The following HTR2C variants were observed in gnomAD, a reference collection of about 807,000 sequenced individuals.
The protein encoded by HTR2C is 5-hydroxytryptamine (serotonin) receptor 2C, G protein-coupled.
HTR2C carries 5 observed loss-of-function variants against 21.0 expected under a neutral mutation model. That is an observed-to-expected ratio of 0.24 (90% CI 0.12 to 0.50). The LOEUF (loss-of-function observed/expected upper bound fraction) is 0.50, where lower values mean the gene tolerates loss of function less well. Among genes scored for constraint, HTR2C ranks in the 20% least tolerant of loss-of-function variants. The pLI, the probability that HTR2C is intolerant of heterozygous loss-of-function variation, is 0.98. For synonymous variants in HTR2C, 150 were observed against 145.3 expected (o/e 1.03, Z -0.23); for missense variants, 271 against 371.2 (o/e 0.73, Z 2.22).
intron 4 of HTR2C, among the ~76,000 whole-genome samples, chrX:114,761,766 T>C (rs1329367743): frequency 2.8e-5 from 3 of 108,044 alleles, no homozygotes; most frequent in Non-Finnish European, 5.8e-5. Flanking sequence ...CATTGCTTCA[T>C]GTTATATGTC....
At chrX:114,687,340 A>C (rs1389956390) in intron 2 of HTR2C, among the ~76,000 whole-genome samples, 1 of 112,370 alleles carries the variant, frequency 8.9e-6, no homozygotes, top group Non-Finnish European at 1.9e-5. Flanking sequence ...TTCGTGTTTT[A>C]CACATTTTAT....
At chrX:114,596,138 G>T (rs903243571) in intron 1 of HTR2C, among the ~76,000 whole-genome samples, 3 of 112,116 alleles carry the variant, frequency 2.7e-5, no homozygotes, top group Admixed American at 1.9e-4. Context: ...AAATACAGAA[G>T]CACTGATAAA....
chrX:114,875,856 CTTT>C (rs200514793), intron 5 of HTR2C, among the ~76,000 whole-genome samples: 1 of 105,261 alleles, frequency 9.5e-6, no homozygotes, highest in Non-Finnish European at 1.9e-5. Flanking sequence ...TTGCTTCTTA[CTTT>C]TTTTTTTCAC....
rs368661431 is a variant in HTR2C, at chrX:114,603,212, G to A, written c.-146-10603G>A. Among the ~76,000 whole-genome samples the A allele has an allele frequency of 9.0e-3, 1,011 of 111,878 alleles. 3 individuals are homozygous for A. The highest frequency in any genetic ancestry group is 0.031 in the African/African-American group (955 of 30,693). On this transcript the variant is annotated intron_variant, in intron 1 of 5. Transcript: ENST00000276198. ...GGGCCAGGAACAATGGTAATTGTGG[G>A]AGACTCAACAAAGAGTGAGTATAGC...
intron 1 of HTR2C, among the ~76,000 whole-genome samples, chrX:114,599,649 T>C (rs1422932255): frequency 2.7e-5 from 3 of 112,203 alleles, no homozygotes; most frequent in Admixed American, 9.5e-5. Flanking sequence ...AAAACATGCA[T>C]TTCATAGATT....
Position 114,613,849 on chromosome X carries a change from T to C in HTR2C, c.-112T>C, listed in dbSNP as rs200532147. On this transcript the variant is annotated 5_prime_UTR_variant, in exon 2 of 6. Transcript: ENST00000276198. ...CTAACACCCGCGAGCATCTATAACA[T>C]AGGCCAACTGACGCCATCCTTCAAA... 1 of 111,519 alleles carries C rather than the reference T, an allele frequency of 9.0e-6. No individual in the cohort carries two copies. The allele number at this position is 111,519 out of a possible 1,213,427, so 9.2% of individuals were successfully genotyped here.
At chrX:114,633,947 T>TAGAGAGAGAGAGAG (rs59914358) in intron 2 of HTR2C, among the ~76,000 whole-genome samples, 118 of 92,171 alleles carry the variant, frequency 1.3e-3, no homozygotes, top group East Asian at 5.1e-3. Flanking sequence ...TATATATATA[T>TAGAGAGAGAGAGAG]AGAGAGAGAG....
chrX:114,830,747 CAGGTTAGTTACAT>C (rs2070716602), intron 4 of HTR2C, among the ~76,000 whole-genome samples: 1 of 103,128 alleles, frequency 9.7e-6, no homozygotes, highest in Non-Finnish European at 2.0e-5. Flanking sequence ...GCACATTGTG[CAGGTTAGTTACAT>C]ATGTATACAT....
In HTR2C at chrX:114,726,914, G is replaced by A. The variant is rs782272640; in HGVS notation, c.-23G>A. The A allele has an allele frequency of 3.7e-6, 4 of 1,093,985 alleles. No homozygotes were observed. The South Asian group carries it at 6.6e-5, about 18-fold the overall frequency. 90.2% of individuals were successfully genotyped at this position (1,093,985 alleles called of 1,213,427 possible). A position where few individuals can be genotyped will look rare whatever the true frequency, so the allele number is the denominator to read the frequency against. On this transcript the variant is annotated 5_prime_UTR_variant, in exon 3 of 6. Transcript: ENST00000276198. ...TTTCGTCTTCTCAATTTTAAACTTT[G>A]GTTGCTTAAGACTGAAGCAATCATG...
At chrX:114,635,948 A>T (rs1929824463) in intron 2 of HTR2C, among the ~76,000 whole-genome samples, 1 of 111,278 alleles carries the variant, frequency 9.0e-6, no homozygotes. Context: ...CCCTAGAGTG[A>T]TAAGTGACTG....
At chrX:114,795,562 C>A (rs1328283636) in intron 4 of HTR2C, among the ~76,000 whole-genome samples, 1 of 111,507 alleles carries the variant, frequency 9.0e-6, no homozygotes, top group East Asian at 2.8e-4. Flanking sequence ...GGAAGGGATC[C>A]AGTTTCAGCT....
intron 1 of HTR2C, among the ~76,000 whole-genome samples, chrX:114,595,219 AT>A (rs1927783492): frequency 9.0e-6 from 1 of 111,027 alleles, no homozygotes; most frequent in South Asian, 3.8e-4. Context: ...TCAGAATTCC[AT>A]TCTTTTTATT....
intron 2 of HTR2C, among the ~76,000 whole-genome samples, chrX:114,694,434 A>AATATATATAT (rs782501990): frequency 5.4e-5 from 5 of 91,938 alleles, no homozygotes; most frequent in Non-Finnish European, 1.1e-4. Context: ...TCCTCAACTA[A>AATATATATAT]ATATATATAT....
chrX:114,813,998 C>G (rs1317282680), intron 4 of HTR2C, among the ~76,000 whole-genome samples: 1 of 110,980 alleles, frequency 9.0e-6, no homozygotes, highest in African/African-American at 3.3e-5. Context: ...GTAATTAACT[C>G]TGTGTGTGGA....
rs201716430 is a variant in HTR2C, at chrX:114,726,870, G to A, written c.-67G>A. 2.9e-5 allele frequency: 19 copies of A among 663,648 alleles called. No individual in the cohort carries two copies. The African/African-American group carries it at 3.5e-4, about 12-fold the overall frequency. 54.7% of individuals were successfully genotyped at this position (663,648 alleles called of 1,213,427 possible). A position where few individuals can be genotyped will look rare whatever the true frequency, so the allele number is the denominator to read the frequency against. On this transcript the variant is annotated 5_prime_UTR_variant, in exon 3 of 6. The change abolishes an upstream ATG in the 5' untranslated region. Coordinates refer to ENST00000276198, the MANE Select transcript of HTR2C (RefSeq NM_000868.4). ...TTTCTCTCCCCAGAAAGGATGATAT[G>A]ATGAACCTAGCCTGTTAATTTCGTC...
intron 2 of HTR2C, among the ~76,000 whole-genome samples, chrX:114,708,804 AT>A (rs201606862): frequency 9.4e-6 from 1 of 106,907 alleles, no homozygotes; most frequent in African/African-American, 3.4e-5. Context: ...GAGATACTAC[AT>A]TTTTTTTAAG....
chrX:114,674,620 G>T (rs1408534555), intron 2 of HTR2C, among the ~76,000 whole-genome samples: 2 of 111,463 alleles, frequency 1.8e-5, no homozygotes, highest in Non-Finnish European at 3.8e-5. Context: ...ATGCCCTTAA[G>T]TCAAAATGCA....
chrX:114,883,463 G>A (rs1194781476), intron 5 of HTR2C, among the ~76,000 whole-genome samples: 1 of 109,577 alleles, frequency 9.1e-6, no homozygotes, highest in East Asian at 2.8e-4. Flanking sequence ...CCTTCAGCTT[G>A]CTTTATGTTT....
intron 4 of HTR2C, among the ~76,000 whole-genome samples, chrX:114,797,353 C>G (rs782144712): frequency 8.1e-5 from 9 of 111,429 alleles, no homozygotes; most frequent in Admixed American, 3.8e-4. Flanking sequence ...TAGAGACATT[C>G]TTTCTGCCAA....
Sources: gnomAD v4.1 joint callset for allele counts (sites outside exome capture counted in the v4.1 genomes callset) on GRCh38, gnomAD v4.1.1 for gene constraint, MANE v1.5 for transcripts, NCBI Gene and HGNC (gene_info 2026-07-23, HGNC 2026-07-21) for gene names.